MOXD1: variants seen among roughly 807,000 people sequenced by gnomAD.
MOXD1 encodes DBH-like monooxygenase protein 1.
A neutral mutation model predicts 66.6 loss-of-function variants in MOXD1; 62 were observed. That is an observed-to-expected ratio of 0.93 (90% CI 0.76 to 1.15). The LOEUF (loss-of-function observed/expected upper bound fraction) is 1.15. MOXD1 is among the 50% of genes most tolerant of loss of function. The pLI, the probability that MOXD1 is intolerant of heterozygous loss-of-function variation, is 0.00. For missense variants in MOXD1, 847 were observed against 754.6 expected (o/e 1.12, Z -1.44); for synonymous variants, 303 against 281.9 (o/e 1.07, Z -0.75).
intron 4 of MOXD1, among the ~76,000 whole-genome samples, chr6:132,340,175 G>A (rs559983692): frequency 1.1e-4 from 17 of 152,054 alleles, no homozygotes; most frequent in South Asian, 2.1e-4. Context: ...GAGCCACCGC[G>A]CCTGGCCAAA....
At chr6:132,380,296 C>T (rs1212308158) in intron 1 of MOXD1, among the ~76,000 whole-genome samples, 1 of 152,220 alleles carries the variant, frequency 6.6e-6, no homozygotes, top group East Asian at 1.9e-4. Flanking sequence ...CAGGTTTCCT[C>T]ACATTGAGCC....
At chr6:132,316,395 G>T (rs1490117591) in intron 9 of MOXD1, among the ~76,000 whole-genome samples, 1 of 152,058 alleles carries the variant, frequency 6.6e-6, no homozygotes, top group African/African-American at 2.4e-5. Context: ...AGATTGATGT[G>T]CTGGATTTAT....
At chr6:132,312,362 A>G (rs1774848115) in intron 10 of MOXD1, among the ~76,000 whole-genome samples, 1 of 152,176 alleles carries the variant, frequency 6.6e-6, no homozygotes, top group South Asian at 2.1e-4. Context: ...TATGCTGAAT[A>G]CCAATTGGTA....
chr6:132,328,403 C>A lies in MOXD1; in HGVS notation c.843+12G>T. The A allele has an allele frequency of 6.2e-7, 1 of 1,613,426 alleles. No homozygotes were observed. The highest frequency in any genetic ancestry group is 1.1e-5 in the South Asian group (1 of 90,944). ...GTTAATTGTGTTACATCTCAGTAAT[C>A]ATTAGCCCCACCTCTCCACCAATAG... On this transcript the variant is annotated intron_variant, in intron 5 of 11. Coordinates refer to ENST00000367963, the MANE Select transcript of MOXD1 (RefSeq NM_015529.4).
chr6:132,361,151 T>C (rs1582594199), intron 4 of MOXD1, among the ~76,000 whole-genome samples: 1 of 152,172 alleles, frequency 6.6e-6, no homozygotes, highest in Non-Finnish European at 1.5e-5. Flanking sequence ...AATGGACCCA[T>C]TACATTATAA....
rs148815224 is a variant in MOXD1, at chr6:132,393,906, A to C, written c.264+7257T>G. Among the ~76,000 whole-genome samples, 47 of 152,332 alleles carry C rather than the reference A, an allele frequency of 3.1e-4. 1 individual carries two copies. Among genetic ancestry groups the C allele is most frequent in the African/African-American group, 1.1e-3 (44 of 41,578 alleles). On this transcript the variant is annotated intron_variant, in intron 1 of 11. Coordinates refer to ENST00000367963, the MANE Select transcript of MOXD1 (RefSeq NM_015529.4). The stretch of plus-strand genomic sequence containing the variant: ...TGCAGGACTGAGGACCAGCTTGCCC[A>C]GTTCATCATGGACATCACCAACACC...
chr6:132,371,005 A>T (rs1776253045), intron 4 of MOXD1, among the ~76,000 whole-genome samples: 1 of 152,186 alleles, frequency 6.6e-6, no homozygotes, highest in Admixed American at 6.5e-5. Context: ...TATTAGCATT[A>T]ACAATGGCAA....
chr6:132,324,062 T>A lies in MOXD1; in HGVS notation c.982A>T (p.Thr328Ser). ...IDNSGLRLFY[T>S]MDIRKYDAGV... ...GCATCATATTTCCTTATATCCATTGTGTAAAATAACCTCAGTCCAGAATTA... is the reference window on the plus strand; with the variant it reads ...GCATCATATTTCCTTATATCCATTGAGTAAAATAACCTCAGTCCAGAATTA... The change falls in exon 7 of 12, where the codon ACA (threonine) becomes TCA (serine). Residue 328 changes from threonine (T) to serine (S), a missense_variant. Coordinates refer to ENST00000367963, the MANE Select transcript of MOXD1 (RefSeq NM_015529.4). 1.9e-6 allele frequency: 3 copies of A among 1,613,884 alleles called. No homozygotes were observed. The highest frequency in any genetic ancestry group is 2.5e-6 in the Non-Finnish European group (3 of 1,179,864).
chr6:132,304,436 T>C (rs527291073), intron 10 of MOXD1, among the ~76,000 whole-genome samples: 100 of 152,296 alleles, frequency 6.6e-4, no homozygotes, highest in African/African-American at 2.3e-3. Flanking sequence ...CAGAGAGTCC[T>C]TCAATGCTTT....
At chr6:132,362,142 A>G (rs2114643390) in intron 4 of MOXD1, among the ~76,000 whole-genome samples, 1 of 152,274 alleles carries the variant, frequency 6.6e-6, no homozygotes, top group East Asian at 1.9e-4. Flanking sequence ...GAAAATAGAA[A>G]ACAAAAAAAT....
rs372389863 is a variant in MOXD1, at chr6:132,328,433, G to T, written c.825C>A (p.Ala275=). Residue 275 remains alanine (A), a synonymous_variant, in exon 5 of 12, where the codon GCC becomes GCA. Transcript: ENST00000367963. ...AFLTCETVIF[A]WAIGGEGFSY... ...GCCCCACCTCTCCACCAATAGCCCA[G>T]GCAAAAATCACAGTTTCACAGGTGA... is the stretch of plus-strand genomic sequence containing the variant. 6.2e-6 allele frequency: 10 copies of T among 1,614,116 alleles called. 1 individual carries two copies. In the South Asian group the frequency reaches 9.9e-5, roughly 16 times the overall value.
intron 1 of MOXD1, among the ~76,000 whole-genome samples, chr6:132,384,796 G>A (rs908979993): frequency 5.9e-5 from 9 of 152,226 alleles, no homozygotes; most frequent in Admixed American, 5.9e-4. Context: ...GAGGTCAGCA[G>A]AGATCAGATG....
At chr6:132,330,553 T>A (rs1775295288) in intron 4 of MOXD1, among the ~76,000 whole-genome samples, 1 of 152,206 alleles carries the variant, frequency 6.6e-6, no homozygotes, top group Admixed American at 6.5e-5. Flanking sequence ...GGGTTCTTTT[T>A]TCTTTCCCCT....
At position 132,397,640 on chromosome 6, in the gene MOXD1, A is replaced by G. The variant is rs9373018; in HGVS notation, c.264+3523T>C. ...AGAGAGAGAGAGAGAGAGAGACAGA[A>G]AGAAAGAAAGAAAGAAAGAAAGAAA... On this transcript the variant is annotated intron_variant, in intron 1 of 11. Transcript: ENST00000367963. 1.1e-3 allele frequency among the ~76,000 whole-genome samples: 34 copies of G among 29,850 alleles called. No individual in the cohort carries two copies. The Admixed American group carries it at 0.011, about 10-fold the overall frequency. 19.6% of individuals were successfully genotyped at this position (29,850 alleles called of 152,430 possible).
intron 9 of MOXD1, among the ~76,000 whole-genome samples, chr6:132,316,691 T>C (rs970601216): frequency 6.6e-6 from 1 of 152,044 alleles, no homozygotes. Flanking sequence ...ATAGAAATTG[T>C]CCTATTCAAA....
chr6:132,384,220 T>C (rs980392854), intron 1 of MOXD1, among the ~76,000 whole-genome samples: 72 of 143,622 alleles, frequency 5.0e-4, no homozygotes, highest in Non-Finnish European at 8.9e-4. Flanking sequence ...CCTTCCTTCC[T>C]CCTTCCTTCC....
At chr6:132,344,094 T>C (rs1019964819) in intron 4 of MOXD1, among the ~76,000 whole-genome samples, 1 of 152,228 alleles carries the variant, frequency 6.6e-6, no homozygotes, top group Non-Finnish European at 1.5e-5. Context: ...AAAACATTTA[T>C]GATGGCTTTA....
At chr6:132,361,490 G>C (rs372652041) in intron 4 of MOXD1, among the ~76,000 whole-genome samples, 2 of 152,094 alleles carry the variant, frequency 1.3e-5, no homozygotes, top group African/African-American at 4.8e-5. Context: ...ACTATAATAA[G>C]ATGTATTACT....
chr6:132,333,123 T>A (rs926303176), intron 4 of MOXD1, among the ~76,000 whole-genome samples: 3 of 152,020 alleles, frequency 2.0e-5, no homozygotes, highest in Non-Finnish European at 2.9e-5. Flanking sequence ...GATCACAAGG[T>A]CAGGAGATCG....
Sources: allele counts gnomAD v4.1 joint callset (sites outside exome capture counted in the v4.1 genomes callset), GRCh38; gene constraint gnomAD v4.1.1; transcripts MANE v1.5; gene names NCBI Gene and HGNC (gene_info 2026-07-23, HGNC 2026-07-21).